DCLRE1A: variants seen among roughly 807,000 people sequenced by gnomAD.
DCLRE1A encodes the protein DNA cross-link repair 1A, also known as DNA cross-link repair 1A protein.
Under a neutral mutation model 91.9 loss-of-function variants are expected in DCLRE1A, and 64 were observed. The ratio of observed to expected loss-of-function variants is 0.70; its 90% CI spans 0.57 to 0.86. DCLRE1A has a LOEUF of 0.86. Ranked by LOEUF, DCLRE1A falls within the 40% of genes least tolerant of loss-of-function variation. The probability of loss-of-function intolerance (pLI) is 0.00; values close to 1 mark genes in which losing one functional copy is unlikely to be tolerated. For synonymous variants in DCLRE1A, 416 were observed against 431.1 expected, an observed-to-expected ratio of 0.96 and a Z score of 0.43; for missense variants, 1,145 against 1,213.3, an observed-to-expected ratio of 0.94 and a Z score of 0.84.
chr10:113,835,264 A>T lies in DCLRE1A; in HGVS notation c.3011T>A (p.Val1004Asp). Residue 1004 changes from valine to aspartate, a missense_variant, in exon 9 of 9, where the codon GTC (valine) becomes GAC (aspartate). Physicochemically the swap from Val to Asp is radical, Grantham distance 152. Coordinates refer to ENST00000361384, the MANE Select transcript of DCLRE1A (RefSeq NM_014881.5). ...GATTTTCTGGGGCTTCAGCCACTGG[A>T]CAAAGCGCTTCATTTCTAGGTAGCT... ...HSSYLEMKRF[V>D]QWLKPQKIIP... is the part of the protein sequence containing the mutation. 1 of 1,613,844 alleles carries T rather than the reference A, an allele frequency of 6.2e-7. No homozygotes were observed. The highest frequency in any genetic ancestry group is 8.5e-7 in the Non-Finnish European group (1 of 1,179,932).
intron 7 of DCLRE1A, among the ~76,000 whole-genome samples, chr10:113,840,280 C>T (rs560631682): frequency 8.2e-5 from 11 of 133,952 alleles, no homozygotes; most frequent in South Asian, 2.5e-4. Context: ...GGCAACAGGG[C>T]GAGACTCTGT....
chr10:113,837,012 T>TA, intron 8 of DCLRE1A, 50 bp downstream of exon 8: 1 of 1,455,548 alleles, frequency 6.9e-7, no homozygotes, highest in South Asian at 1.4e-5. Context: ...TTTTAAAATG[T>TA]AATTATAAAC....
In DCLRE1A at chr10:113,850,496, T is replaced by TA. The variant is rs777813433; in HGVS notation, c.608_609insT (p.Gly204ArgfsTer5). On this transcript the variant is annotated frameshift_variant, in exon 2 of 9. Coordinates refer to ENST00000361384, the MANE Select transcript of DCLRE1A (RefSeq NM_014881.5). LOFTEE classifies it high-confidence loss of function. ...TTTCCTCAAGGCTACAAAGGACGCCTGACTTAGTCTCACTGAAACTGCCAC... is the reference window on the plus strand; with the variant it reads ...TTTCCTCAAGGCTACAAAGGACGCCTAGACTTAGTCTCACTGAAACTGCCAC... 1 of 1,614,140 alleles carries TA rather than the reference T, an allele frequency of 6.2e-7. No individual in the cohort carries two copies. The highest frequency in any genetic ancestry group is 1.1e-5 in the South Asian group (1 of 91,076).
intron 7 of DCLRE1A, 100 bp downstream of exon 7, chr10:113,841,306 T>A (rs1845441377): frequency 3.7e-6 from 5 of 1,363,766 alleles, no homozygotes; most frequent in Non-Finnish European, 5.0e-6. Flanking sequence ...TTACTATGGG[T>A]GACTCTATTA....
At chr10:113,842,702 A>G (rs888652141) in intron 5 of DCLRE1A, among the ~76,000 whole-genome samples, 3 of 152,146 alleles carry the variant, frequency 2.0e-5, no homozygotes, top group African/African-American at 7.2e-5. Context: ...TATCTTTTTC[A>G]TTATATTTCT....
chr10:113,852,309 C>A (rs1394923129), intron 1 of DCLRE1A, among the ~76,000 whole-genome samples: 1 of 152,228 alleles, frequency 6.6e-6, no homozygotes, highest in Non-Finnish European at 1.5e-5. Context: ...GCACTCCAAT[C>A]TGGGCAACAG....
intron 5 of DCLRE1A, 87 bp from the exon 6 acceptor site, chr10:113,842,575 A>C (rs1395338742): frequency 7.8e-7 from 1 of 1,289,740 alleles, no homozygotes. Flanking sequence ...AACAAGCGTT[A>C]GCAACTTACA....
In DCLRE1A at chr10:113,841,449, C is replaced by T. The variant is rs751669597; in HGVS notation, c.2777G>A (p.Ser926Asn). ...CATTGGGAGAAGGTGAACCAATGAA[C>T]TGCACATGTCGGTAGTGATGAGTGA... ...INSLITTDMCSSLVHLLPMMQ... is the reference protein window; with the variant it reads ...INSLITTDMCNSLVHLLPMMQ... The change falls in exon 7 of 9, where the codon AGT (serine) becomes AAT (asparagine). Residue 926 changes from serine to asparagine, a missense_variant. Coordinates refer to ENST00000361384, the MANE Select transcript of DCLRE1A (RefSeq NM_014881.5). 30 of 1,613,306 alleles carry T rather than the reference C, an allele frequency of 1.9e-5. No individual in the cohort carries two copies. In the South Asian group the frequency reaches 3.3e-4, roughly 18 times the overall value.
chr10:113,841,754 A>G (rs1293249279), intron 6 of DCLRE1A, among the ~76,000 whole-genome samples, 194 bp from the exon 7 acceptor site: 1 of 152,208 alleles, frequency 6.6e-6, no homozygotes, highest in Non-Finnish European at 1.5e-5. Flanking sequence ...AGAAAACTAA[A>G]TAATTTATTT....
At chr10:113,847,120 G>T in intron 3 of DCLRE1A, 82 bp downstream of exon 3, 1 of 1,294,122 alleles carries the variant, frequency 7.7e-7, no homozygotes, top group African/African-American at 1.5e-5. Flanking sequence ...AGATCTTACT[G>T]GTTTAATTAT....
Position 113,835,139 on chromosome 10 carries a change from C to T in DCLRE1A, c.*13G>A. 1 of 1,610,810 alleles carries T rather than the reference C, an allele frequency of 6.2e-7. No homozygotes were observed. Among genetic ancestry groups the T allele is most frequent in the East Asian group, 2.2e-5 (1 of 44,802 alleles). On this transcript the variant is annotated 3_prime_UTR_variant, in exon 9 of 9. Coordinates refer to ENST00000361384, the MANE Select transcript of DCLRE1A (RefSeq NM_014881.5). The stretch of plus-strand genomic sequence containing the variant: ...CAAGGAACTTAACTACTACTGAATC[C>T]TCGGAGGTATCATCAATATCCAGCT...
rs781700029 is a variant in DCLRE1A, at chr10:113,844,223, G to T, written c.2400C>A (p.Ile800=). Residue 800 remains isoleucine, a synonymous_variant, in exon 5 of 9, where the codon ATC becomes ATA. Coordinates refer to ENST00000361384, the MANE Select transcript of DCLRE1A (RefSeq NM_014881.5). The part of the protein sequence containing the change: ...DANHCPGAVM[I]LFYLPNGTVI... ...CAGTACCATTAGGAAGATAAAAGAG[G>T]ATCATGACAGCACCTGGACAGCTGA... 1 of 1,614,006 alleles carries T rather than the reference G, an allele frequency of 6.2e-7. No individual in the cohort carries two copies. The highest frequency in any genetic ancestry group is 2.2e-5 in the East Asian group (1 of 44,888).
Position 113,849,468 on chromosome 10 carries a change from G to T in DCLRE1A, c.1637C>A (p.Ala546Glu). The T allele has an allele frequency of 6.2e-7, 1 of 1,614,094 alleles. No homozygotes were observed. The highest frequency in any genetic ancestry group is 1.3e-5 in the African/African-American group (1 of 75,034). The change falls in exon 2 of 9, where the codon GCA becomes GAA. Residue 546 changes from alanine (A) to glutamate (E), a missense_variant. Coordinates refer to ENST00000361384, the MANE Select transcript of DCLRE1A (RefSeq NM_014881.5). ...KILPSGLKYN[A>E]RHPSTKVMKQ... is the part of the protein sequence containing the mutation. ...CATTACCTTGGTAGAAGGATGTCTT[G>T]CATTATACTTAAGACCAGAAGGCAA... is the stretch of plus-strand genomic sequence containing the variant.
rs1469999280 is a variant in DCLRE1A, at chr10:113,850,327, G to A, written c.778C>T (p.Gln260Ter). The change falls in exon 2 of 9, where the codon CAA (glutamine) becomes TAA (stop). Residue 260 changes from glutamine to a stop codon, truncating the protein, a stop_gained. Coordinates refer to ENST00000361384, the MANE Select transcript of DCLRE1A (RefSeq NM_014881.5). LOFTEE classifies it high-confidence loss of function. ...THIQTSQQAL[Q>*]FTDFVENDKL... ...TCATTCTCAACAAAATCTGTAAATT[G>A]TAGAGCTTGTTGGGATGTTTGGATA... is the stretch of plus-strand genomic sequence containing the variant. The A allele has an allele frequency of 1.2e-6, 2 of 1,614,212 alleles. No individual in the cohort carries two copies. Among genetic ancestry groups the A allele is most frequent in the Admixed American group, 3.3e-5 (2 of 60,032 alleles).
At position 113,835,050 on chromosome 10, in the gene DCLRE1A, T is replaced by C. The variant is rs1034531539; in HGVS notation, c.*102A>G. On this transcript the variant is annotated 3_prime_UTR_variant, in exon 9 of 9. Transcript: ENST00000361384. ...AAATAAAGTATCTGAACAATCTTCA[T>C]GAGGTTTTTCCACACAAAGTGTATT... 39 of 1,173,524 alleles carry C rather than the reference T, an allele frequency of 3.3e-5. 1 individual carries two copies. In the South Asian group the frequency reaches 5.5e-4, roughly 17 times the overall value. 72.7% of individuals were successfully genotyped at this position (1,173,524 alleles called of 1,614,324 possible).
At chr10:113,848,631 G>A (rs17235108) in intron 2 of DCLRE1A, among the ~76,000 whole-genome samples, 189 of 152,122 alleles carry the variant, frequency 1.2e-3, no homozygotes, top group Admixed American at 2.0e-3. Context: ...AGCACTTAGA[G>A]GCTGCCTTTT....
At position 113,835,733 on chromosome 10, in the gene DCLRE1A, G is replaced by A. The variant is rs374705042; in HGVS notation, c.2963-421C>T. Among the ~76,000 whole-genome samples, 14 of 152,190 alleles carry A rather than the reference G, an allele frequency of 9.2e-5. No homozygotes were observed. The East Asian group carries it at 9.7e-4, about 11-fold the overall frequency. ...GCAGATTACCTGAGGTCAGGAGTTC[G>A]AGGCCAGCCTGGCCAACATGGTGAA... On this transcript the variant is annotated intron_variant, in intron 8 of 8. Transcript: ENST00000361384.
At chr10:113,851,633 C>T (rs1034496076) in intron 1 of DCLRE1A, among the ~76,000 whole-genome samples, 5 of 152,070 alleles carry the variant, frequency 3.3e-5, no homozygotes, top group Non-Finnish European at 7.4e-5. Context: ...GAATCTTAAT[C>T]ACCTAGGACT....
At chr10:113,842,940 A>C (rs1355676883) in intron 5 of DCLRE1A, among the ~76,000 whole-genome samples, 4 of 152,120 alleles carry the variant, frequency 2.6e-5, no homozygotes, top group Non-Finnish European at 4.4e-5. Flanking sequence ...GTTTTAAATC[A>C]GTTAATATTG....
Sources: allele counts gnomAD v4.1 joint callset (sites outside exome capture counted in the v4.1 genomes callset), GRCh38; gene constraint gnomAD v4.1.1; transcripts MANE v1.5; gene names NCBI Gene and HGNC (gene_info 2026-07-23, HGNC 2026-07-21).